LCORL: variants seen among roughly 807,000 people sequenced by gnomAD.
LCORL encodes ligand dependent nuclear receptor corepressor like.
Under a neutral mutation model 141.8 loss-of-function variants are expected in LCORL, and 41 were observed. That is an observed-to-expected ratio of 0.29 (90% CI 0.23 to 0.38). The LOEUF is 0.38. Among genes scored for constraint, LCORL ranks in the 10% least tolerant of loss-of-function variants. The pLI is 1.00. For synonymous variants in LCORL, 618 were observed against 694.1 expected (o/e 0.89, Z 1.72); for missense variants, 1,759 against 2,035.0 (o/e 0.86, Z 2.61).
chr4:17,919,412 T>A (rs1354699436), intron 4 of LCORL, among the ~76,000 whole-genome samples: 1 of 152,062 alleles, frequency 6.6e-6, no homozygotes, highest in African/African-American at 2.4e-5. Context: ...TATCCTGATA[T>A]CAAAACTAGA....
At chr4:17,993,973 G>C (rs925369366) in intron 1 of LCORL, among the ~76,000 whole-genome samples, 1 of 152,140 alleles carries the variant, frequency 6.6e-6, no homozygotes, top group Non-Finnish European at 1.5e-5. Context: ...TTGAGAAATA[G>C]AGTGATTAAA....
Position 17,945,248 on chromosome 4 carries a change from CTAT to C in LCORL, c.430+16652_430+16654del, listed in dbSNP as rs542636871. On this transcript the variant is annotated intron_variant, in intron 4 of 7. Coordinates refer to ENST00000635767, the Ensembl canonical transcript of LCORL. Reference sequence around the variant, plus strand: ...TTATTAGAGCATGTTTTACAGAGTACTATTATTATAAAAATTACATTTAAAAGA... The same window carrying C: ...TTATTAGAGCATGTTTTACAGAGTACTATTATAAAAATTACATTTAAAAGA... Among the ~76,000 whole-genome samples, 52 of 151,908 alleles carry C rather than the reference CTAT, an allele frequency of 3.4e-4. No homozygotes were observed. In the South Asian group the frequency reaches 1.0e-2, roughly 29 times the overall value.
chr4:17,976,420 C>G (rs1181741683), intron 1 of LCORL, among the ~76,000 whole-genome samples: 1 of 152,000 alleles, frequency 6.6e-6, no homozygotes, highest in African/African-American at 2.4e-5. Context: ...ATAGCCATAC[C>G]TCTTCTAGTT....
At chr4:17,982,347 G>A (rs1269492635) in intron 1 of LCORL, among the ~76,000 whole-genome samples, 2 of 152,092 alleles carry the variant, frequency 1.3e-5, no homozygotes, top group Non-Finnish European at 2.9e-5. Flanking sequence ...GCTCTTTGAG[G>A]AACTGCCCAC....
intron 1 of LCORL, among the ~76,000 whole-genome samples, chr4:17,996,451 T>G (rs1359393831): frequency 6.6e-6 from 1 of 152,096 alleles, no homozygotes; most frequent in Non-Finnish European, 1.5e-5. Context: ...AAATAAAGTA[T>G]AACTGATTCA....
At chr4:17,942,326 A>G (rs1738102000) in intron 4 of LCORL, among the ~76,000 whole-genome samples, 1 of 152,104 alleles carries the variant, frequency 6.6e-6, no homozygotes, top group Non-Finnish European at 1.5e-5. Flanking sequence ...AGACCATGCA[A>G]AATATCTAAA....
At chr4:17,912,217 G>A (rs938114963) in intron 4 of LCORL, 22 of 758,378 alleles carry the variant, frequency 2.9e-5, no homozygotes, top group African/African-American at 8.6e-5. Flanking sequence ...AAAGCTGGCC[G>A]TGCGCCAGTC....
At chr4:17,960,306 A>T (rs1469209279) in intron 4 of LCORL, 1 of 154,328 alleles carries the variant, frequency 6.5e-6, no homozygotes, top group Non-Finnish European at 1.5e-5. Context: ...CAGATGCTTG[A>T]ATCAGCTGAA....
intron 1 of LCORL, among the ~76,000 whole-genome samples, chr4:18,008,018 C>T (rs1222790730): frequency 6.6e-6 from 1 of 152,090 alleles, no homozygotes; most frequent in African/African-American, 2.4e-5. Flanking sequence ...TAAATTGGCA[C>T]AGATAAGTAC....
chr4:17,872,345 G>A (rs1036788695), intron 7 of LCORL, among the ~76,000 whole-genome samples: 2 of 151,694 alleles, frequency 1.3e-5, no homozygotes, highest in African/African-American at 2.4e-5. Context: ...GGCTTCCCTC[G>A]GCCACACTGG....
intron 7 of LCORL, among the ~76,000 whole-genome samples, chr4:17,859,212 G>T (rs776298208): frequency 9.9e-5 from 15 of 152,166 alleles, no homozygotes; most frequent in Non-Finnish European, 1.8e-4. Flanking sequence ...TTGCCTAGCT[G>T]TAGGGTAATG....
At chr4:17,987,604 T>TA (rs901882132) in intron 1 of LCORL, among the ~76,000 whole-genome samples, 16 of 152,110 alleles carry the variant, frequency 1.1e-4, no homozygotes, top group Middle Eastern at 6.8e-3. Context: ...TATTTAACAT[T>TA]AAAAAAAACT....
chr4:17,944,321 T>G (rs914822907), intron 4 of LCORL, among the ~76,000 whole-genome samples: 3 of 152,206 alleles, frequency 2.0e-5, no homozygotes, highest in African/African-American at 4.8e-5. Context: ...ACCTTTTCTT[T>G]GTACCTATTC....
Position 17,972,880 on chromosome 4 carries a change from C to A in LCORL, c.160G>T (p.Glu54Ter). The stretch of plus-strand genomic sequence containing the variant: ...CCATAAAGCCCTTCTAAAATACTCT[C>A]AAAACCTGTGTTTTTAGAGAGAGAA... Residue 54 changes from glutamate (E) to a stop codon, truncating the protein, a stop_gained, in exon 2 of 8, where the codon GAG (glutamate) becomes TAG (stop). Coordinates refer to ENST00000635767, the Ensembl canonical transcript of LCORL. LOFTEE classifies it high-confidence loss of function. 1.4e-6 allele frequency: 2 copies of A among 1,417,334 alleles called. No individual in the cohort carries two copies. The highest frequency in any genetic ancestry group is 1.9e-6 in the Non-Finnish European group (2 of 1,077,478). The allele number at this position is 1,417,334 out of a possible 1,614,324, so 87.8% of individuals were successfully genotyped here.
At chr4:17,853,636 T>C (rs1488442947) in intron 7 of LCORL, among the ~76,000 whole-genome samples, 1 of 152,166 alleles carries the variant, frequency 6.6e-6, no homozygotes, top group Non-Finnish European at 1.5e-5. Context: ...AAATCTGAAC[T>C]CATCTATTTA....
chr4:18,016,755 T>C (rs1244402513), intron 1 of LCORL, among the ~76,000 whole-genome samples: 3 of 152,134 alleles, frequency 2.0e-5, no homozygotes, highest in Non-Finnish European at 4.4e-5. Context: ...GACTTAAATT[T>C]ACATGTTTTA....
chr4:17,916,165 C>T (rs192163898), intron 4 of LCORL, among the ~76,000 whole-genome samples: 2 of 152,290 alleles, frequency 1.3e-5, no homozygotes, highest in East Asian at 3.9e-4. Context: ...TTGACCCTTC[C>T]CTAATTTTTG....
intron 1 of LCORL, among the ~76,000 whole-genome samples, chr4:18,017,967 G>C (rs1268535941): frequency 6.6e-6 from 1 of 152,034 alleles, no homozygotes; most frequent in Non-Finnish European, 1.5e-5. Context: ...AAAAAATATA[G>C]AGAGATCAGT....
intron 1 of LCORL, among the ~76,000 whole-genome samples, chr4:17,990,096 GTTTTTT>G (rs372033680): frequency 2.4e-5 from 3 of 122,652 alleles, no homozygotes; most frequent in Non-Finnish European, 5.1e-5. Context: ...AACTCTCTGC[GTTTTTT>G]TTTTTTTTTT....
Sources: allele counts gnomAD v4.1 joint callset (sites outside exome capture counted in the v4.1 genomes callset), GRCh38; gene constraint gnomAD v4.1.1; transcripts MANE v1.5; gene names NCBI Gene and HGNC (gene_info 2026-07-23, HGNC 2026-07-21).